The following SYT16 variants were observed in gnomAD, a reference collection of about 807,000 sequenced individuals.
SYT16 encodes the protein synaptotagmin-16.
In SYT16, 42 loss-of-function variants were observed where a neutral mutation model predicts 61.4. The observed-to-expected ratio is 0.68, with a 90% CI of 0.53 to 0.89. The LOEUF (loss-of-function observed/expected upper bound fraction) is 0.89, where lower values mean the gene tolerates loss of function less well. Ranked by LOEUF, SYT16 falls within the 40% of genes least tolerant of loss-of-function variation. SYT16 has a pLI of 0.00. For synonymous variants in SYT16, 314 were observed against 302.3 expected, an observed-to-expected ratio of 1.04 and a Z score of -0.40; for missense variants, 804 against 807.3, an observed-to-expected ratio of 1.00 and a Z score of 0.05.
rs139584752 is a variant in SYT16 at position 61,894,626 on chromosome 14, A to AT, written c.-324-75504dup. 4.4e-3 allele frequency among the ~76,000 whole-genome samples: 662 copies of AT among 152,126 alleles called. 7 individuals are homozygous for AT. Among genetic ancestry groups the AT allele is most frequent in the Non-Finnish European group, 6.9e-3 (468 of 67,986 alleles). ...TGATGGCTGGGCACCCTCATTTCAGATTGAGGGAGGTTCTCAGAAGAACAA... is the reference window on the plus strand; with the variant it reads ...TGATGGCTGGGCACCCTCATTTCAGATTTGAGGGAGGTTCTCAGAAGAACAA... On this transcript the variant is annotated intron_variant, in intron 1 of 7. Coordinates refer to ENST00000683842, the MANE Select transcript of SYT16 (RefSeq NM_001367656.1).
chr14:62,031,178 A>G (rs2054296161), intron 3 of SYT16, among the ~76,000 whole-genome samples: 1 of 152,210 alleles, frequency 6.6e-6, no homozygotes, highest in Non-Finnish European at 1.5e-5. Context: ...ATGGAAGGCC[A>G]CAATGCATAA....
At chr14:61,884,514 A>G (rs141997328) in intron 1 of SYT16, among the ~76,000 whole-genome samples, 1 of 152,312 alleles carries the variant, frequency 6.6e-6, no homozygotes, top group Non-Finnish European at 1.5e-5. Context: ...TTAAAGTGAT[A>G]AACAGCTTCT....
rs1336998853 is a variant in SYT16, at chr14:62,101,932, A to C, written c.*1225A>C. On this transcript the variant is annotated 3_prime_UTR_variant, in exon 8 of 8. Transcript: ENST00000683842. ...GGGATTTTACTTATGACTTAATTTT[A>C]CATATTTATGCAGTGCATGTTTACT... 6.6e-6 allele frequency: 1 copy of C among 152,134 alleles called. No homozygotes were observed. The highest frequency in any genetic ancestry group is 1.9e-4 in the East Asian group (1 of 5,196). The allele number at this position is 152,134 out of a possible 1,614,324, so 9.4% of individuals were successfully genotyped here. A position where few individuals can be genotyped will look rare whatever the true frequency, so the allele number is the denominator to read the frequency against.
At chr14:62,001,794 G>A (rs1192902884) in intron 3 of SYT16, among the ~76,000 whole-genome samples, 2 of 151,316 alleles carry the variant, frequency 1.3e-5, no homozygotes, top group African/African-American at 2.4e-5. Flanking sequence ...TTTCTTCTTC[G>A]TAGTTCAGCT....
At chr14:62,007,079 A>C (rs1378507755) in intron 3 of SYT16, among the ~76,000 whole-genome samples, 1 of 152,122 alleles carries the variant, frequency 6.6e-6, no homozygotes, top group Non-Finnish European at 1.5e-5. Flanking sequence ...ATTGATTTCA[A>C]CCCTTTGCAG....
intron 1 of SYT16, among the ~76,000 whole-genome samples, chr14:61,882,635 A>G (rs1355565490): frequency 6.6e-6 from 1 of 152,166 alleles, no homozygotes; most frequent in Admixed American, 6.6e-5. Context: ...TCACATTTCA[A>G]AACACGATCA....
intron 1 of SYT16, among the ~76,000 whole-genome samples, chr14:61,858,144 G>GAAAAAAAAAA (rs2046842059): frequency 9.9e-6 from 1 of 100,610 alleles, no homozygotes; most frequent in Non-Finnish European, 2.1e-5. Flanking sequence ...AAAAAAAAAA[G>GAAAAAAAAAA]AAAGAAAAAA....
chr14:61,957,486 T>C (rs778827499), intron 1 of SYT16, among the ~76,000 whole-genome samples: 3 of 151,902 alleles, frequency 2.0e-5, no homozygotes, highest in Non-Finnish European at 4.4e-5. Flanking sequence ...GTTCCTTCTA[T>C]ACTTATTGAG....
In SYT16 at chr14:62,084,198, T is replaced by A. The variant is rs2056808742; in HGVS notation, c.1437T>A (p.Ser479Arg). ...LVLEPRSNIS[S>R]GGSPLSPSAV... ...TCTTTGTTGTTCTTCCCCTCCAGAGTGGAGGGTCTCCGCTCAGCCCATCTG... is the reference window on the plus strand; with the variant it reads ...TCTTTGTTGTTCTTCCCCTCCAGAGAGGAGGGTCTCCGCTCAGCCCATCTG... The change falls in exon 7 of 8, where the codon AGT (serine) becomes AGA (arginine). Residue 479 changes from serine to arginine, a missense_variant and splice_region_variant. Physicochemically the swap from Ser to Arg is moderately radical, Grantham distance 110. Coordinates refer to ENST00000683842, the MANE Select transcript of SYT16 (RefSeq NM_001367656.1). 6 of 1,613,058 alleles carry A rather than the reference T, an allele frequency of 3.7e-6. No individual in the cohort carries two copies. Among genetic ancestry groups the A allele is most frequent in the Non-Finnish European group, 4.2e-6 (5 of 1,179,624 alleles).
At chr14:61,840,898 G>A (rs941173298) in intron 1 of SYT16, among the ~76,000 whole-genome samples, 1 of 152,194 alleles carries the variant, frequency 6.6e-6, no homozygotes, top group Non-Finnish European at 1.5e-5. Context: ...GAAGACTTGA[G>A]TATATTTATA....
intron 3 of SYT16, among the ~76,000 whole-genome samples, chr14:62,014,737 T>A (rs1390200442): frequency 3.3e-5 from 5 of 152,052 alleles, no homozygotes; most frequent in African/African-American, 7.2e-5. Flanking sequence ...CCCGGCTGGT[T>A]TCTCTATTTT....
At chr14:62,066,905 C>T (rs1470028628) in intron 3 of SYT16, among the ~76,000 whole-genome samples, 5 of 152,136 alleles carry the variant, frequency 3.3e-5, no homozygotes, top group African/African-American at 9.7e-5. Context: ...CGAGGGAGCA[C>T]TGACAAGAGA....
intron 1 of SYT16, among the ~76,000 whole-genome samples, chr14:61,876,183 T>G (rs2047485010): frequency 6.6e-6 from 1 of 152,198 alleles, no homozygotes; most frequent in African/African-American, 2.4e-5. Flanking sequence ...AAAAATCGGA[T>G]TCATTTTGCA....
At chr14:61,855,470 G>T (rs1034296142) in intron 1 of SYT16, among the ~76,000 whole-genome samples, 1 of 152,126 alleles carries the variant, frequency 6.6e-6, no homozygotes, top group Admixed American at 6.5e-5. Context: ...GCCTAGAGTT[G>T]GGCAAACTTA....
chr14:61,955,978 T>C (rs2050858308), intron 1 of SYT16, among the ~76,000 whole-genome samples: 1 of 151,940 alleles, frequency 6.6e-6, no homozygotes, highest in South Asian at 2.1e-4. Flanking sequence ...ATTTTTCGCT[T>C]TCTCTTTCTT....
chr14:62,072,301 T>C (rs974362158), intron 4 of SYT16, among the ~76,000 whole-genome samples: 2 of 152,152 alleles, frequency 1.3e-5, no homozygotes, highest in African/African-American at 4.8e-5. Context: ...CATGGTTCAA[T>C]TGGAGAACTA....
intron 4 of SYT16, among the ~76,000 whole-genome samples, chr14:62,073,864 G>A (rs2056387486): frequency 6.6e-6 from 1 of 152,152 alleles, no homozygotes; most frequent in African/African-American, 2.4e-5. Context: ...TAACGCATTG[G>A]CAGATAAAGA....
In SYT16 at chr14:62,104,189, C is replaced by A. The variant is rs1192134399; in HGVS notation, c.*3482C>A. 1 of 152,168 alleles carries A rather than the reference C, an allele frequency of 6.6e-6. No homozygotes were observed. Among genetic ancestry groups the A allele is most frequent in the African/African-American group, 2.4e-5 (1 of 41,442 alleles). 9.4% of individuals were successfully genotyped at this position (152,168 alleles called of 1,614,324 possible). ...ACACCACTGTGGGTTTCCAAAAAAA[C>A]TGGTTATCCTTTTGCAGCAGAGGAC... On this transcript the variant is annotated 3_prime_UTR_variant, in exon 8 of 8. Coordinates refer to ENST00000683842, the MANE Select transcript of SYT16 (RefSeq NM_001367656.1).
intron 7 of SYT16, among the ~76,000 whole-genome samples, chr14:62,089,374 G>A (rs142181027): frequency 1.2e-3 from 179 of 151,170 alleles, no homozygotes; most frequent in African/African-American, 4.1e-3. Flanking sequence ...CTTTTCTAGT[G>A]TCCTCCATAA....
Sources: allele counts gnomAD v4.1 joint callset (sites outside exome capture counted in the v4.1 genomes callset), GRCh38; gene constraint gnomAD v4.1.1; transcripts MANE v1.5; gene names NCBI Gene and HGNC (gene_info 2026-07-23, HGNC 2026-07-21).